Variants in IL1RAPL1 observed in about 807,000 individuals in gnomAD.
IL1RAPL1 encodes interleukin-1 receptor accessory protein-like 1.
IL1RAPL1 carries 3 observed loss-of-function variants against 48.4 expected under a neutral mutation model. The observed-to-expected ratio is 0.06, with a 90% CI of 0.03 to 0.16. IL1RAPL1 has a LOEUF of 0.16. IL1RAPL1 is among the 10% of genes least tolerant of loss of function. IL1RAPL1 has a pLI of 1.00. For missense variants in IL1RAPL1, 349 were observed against 530.6 expected (o/e 0.66, Z 3.36); for synonymous variants, 185 against 187.7 (o/e 0.99, Z 0.12).
At chrX:29,934,688 A>T in intron 8 of IL1RAPL1, among the ~76,000 whole-genome samples, 1 of 111,552 alleles carries the variant, frequency 9.0e-6, no homozygotes, top group South Asian at 3.8e-4. Flanking sequence ...GCTGCACTAC[A>T]TATACACACA....
chrX:29,109,514 T>C (rs1238803264), intron 2 of IL1RAPL1, among the ~76,000 whole-genome samples: 1 of 110,812 alleles, frequency 9.0e-6, no homozygotes, highest in Non-Finnish European at 1.9e-5. Context: ...TTAGGACGCC[T>C]GATTTTGTGG....
At chrX:29,222,600 C>A (rs899289534) in intron 2 of IL1RAPL1, among the ~76,000 whole-genome samples, 1 of 111,693 alleles carries the variant, frequency 9.0e-6, no homozygotes, top group Non-Finnish European at 1.9e-5. Flanking sequence ...GCTTGCCTAA[C>A]TTGAGTTGCC....
At chrX:29,893,726 G>A (rs1932319194) in intron 6 of IL1RAPL1, among the ~76,000 whole-genome samples, 2 of 111,582 alleles carry the variant, frequency 1.8e-5, no homozygotes, top group Admixed American at 9.6e-5. Flanking sequence ...AGGGACATTG[G>A]TTTTGCAATA....
At chrX:29,650,917 ACAACT>A (rs754617974) in intron 5 of IL1RAPL1, among the ~76,000 whole-genome samples, 96 of 111,383 alleles carry the variant, frequency 8.6e-4, no homozygotes, top group African/African-American at 3.1e-3. Context: ...AGGAATTCAA[ACAACT>A]CAATAGAAAA....
chrX:28,791,172 T>C (rs957742228), intron 2 of IL1RAPL1, among the ~76,000 whole-genome samples: 5 of 111,312 alleles, frequency 4.5e-5, no homozygotes, highest in Non-Finnish European at 9.4e-5. Flanking sequence ...TTACTCCTTT[T>C]TAATCATAAA....
chrX:28,849,659 A>G (rs1437376591), intron 2 of IL1RAPL1, among the ~76,000 whole-genome samples: 1 of 112,015 alleles, frequency 8.9e-6, no homozygotes, highest in African/African-American at 3.2e-5. Context: ...GATGTAACCA[A>G]CCTAAGCCAG....
intron 5 of IL1RAPL1, among the ~76,000 whole-genome samples, chrX:29,483,506 G>A (rs1935062429): frequency 9.0e-6 from 1 of 111,467 alleles, no homozygotes; most frequent in African/African-American, 3.3e-5. Context: ...CATTACAGTA[G>A]TATATTCGGC....
intron 2 of IL1RAPL1, among the ~76,000 whole-genome samples, chrX:28,804,074 CAT>C (rs1457194763): frequency 4.5e-5 from 5 of 111,180 alleles, no homozygotes; most frequent in Non-Finnish European, 7.6e-5. Context: ...TTTTAAGAAA[CAT>C]ATGGAGTGCT....
At chrX:29,838,665 A>C (rs1279383314) in intron 6 of IL1RAPL1, among the ~76,000 whole-genome samples, 1 of 112,091 alleles carries the variant, frequency 8.9e-6, no homozygotes, top group African/African-American at 3.2e-5. Flanking sequence ...CCTTGGACTC[A>C]GATAGGCATA....
intron 2 of IL1RAPL1, among the ~76,000 whole-genome samples, chrX:29,058,800 C>G: frequency 8.9e-6 from 1 of 112,058 alleles, no homozygotes; most frequent in Non-Finnish European, 1.9e-5. Flanking sequence ...AGCTGTTCTA[C>G]TTTCTAAGTG....
chrX:29,534,358 G>A (rs1290127560), intron 5 of IL1RAPL1, among the ~76,000 whole-genome samples: 4 of 111,702 alleles, frequency 3.6e-5, no homozygotes, highest in African/African-American at 9.8e-5. Flanking sequence ...AGAACTCTAT[G>A]CCTAGAGTTA....
chrX:29,461,693 A>G (rs1279599894), intron 5 of IL1RAPL1, among the ~76,000 whole-genome samples: 1 of 112,234 alleles, frequency 8.9e-6, no homozygotes, highest in Non-Finnish European at 1.9e-5. Context: ...AAAGAAATAA[A>G]TTACTGATAT....
intron 1 of IL1RAPL1, among the ~76,000 whole-genome samples, chrX:28,595,928 ACT>A (rs1263702948): frequency 9.0e-6 from 1 of 110,541 alleles, no homozygotes; most frequent in Non-Finnish European, 1.9e-5. Context: ...GGGGTTTTTG[ACT>A]CTGCTGTTTT....
intron 6 of IL1RAPL1, among the ~76,000 whole-genome samples, chrX:29,914,568 T>G (rs967159857): frequency 9.0e-6 from 1 of 111,729 alleles, no homozygotes; most frequent in African/African-American, 3.3e-5. Flanking sequence ...TATACATTTT[T>G]AAAACTGTAA....
At chrX:28,824,318 T>C (rs376246590) in intron 2 of IL1RAPL1, among the ~76,000 whole-genome samples, 6 of 111,373 alleles carry the variant, frequency 5.4e-5, no homozygotes, top group East Asian at 5.7e-4. Flanking sequence ...CTTTATTCTC[T>C]CCCATTGCTA....
chrX:29,330,862 G>C (rs1450703289), intron 3 of IL1RAPL1, among the ~76,000 whole-genome samples: 1 of 111,543 alleles, frequency 9.0e-6, no homozygotes, highest in Non-Finnish European at 1.9e-5. Flanking sequence ...AGTGAAAGGG[G>C]GTATTACTAA....
At chrX:29,606,927 GGTA>G (rs760706578) in intron 5 of IL1RAPL1, among the ~76,000 whole-genome samples, 56 of 111,194 alleles carry the variant, frequency 5.0e-4, no homozygotes, top group Non-Finnish European at 9.8e-4. Context: ...ACCTATAAGG[GGTA>G]GTATTTTTGT....
intron 5 of IL1RAPL1, among the ~76,000 whole-genome samples, chrX:29,575,610 C>G (rs760627714): frequency 8.9e-6 from 1 of 111,956 alleles, no homozygotes; most frequent in Non-Finnish European, 1.9e-5. Context: ...ATTCCACTGA[C>G]TAAAATGTCA....
intron 5 of IL1RAPL1, among the ~76,000 whole-genome samples, chrX:29,418,125 A>ATATATATT (rs1474269220): frequency 7.5e-5 from 2 of 26,714 alleles, no homozygotes; most frequent in Non-Finnish European, 1.2e-4. Flanking sequence ...ATATATATAT[A>ATATATATT]TTTTTTTTTT....
Sources: gnomAD v4.1 joint callset for allele counts (sites outside exome capture counted in the v4.1 genomes callset) on GRCh38, gnomAD v4.1.1 for gene constraint, MANE v1.5 for transcripts, NCBI Gene and HGNC (gene_info 2026-07-23, HGNC 2026-07-21) for gene names.